ZNF277: variants seen among roughly 807,000 people sequenced by gnomAD.
ZNF277 encodes nuclear receptor-interacting factor 4.
A neutral mutation model predicts 60.7 loss-of-function variants in ZNF277; 55 were observed. That is an observed-to-expected ratio of 0.91 (90% CI 0.73 to 1.13). ZNF277 has a LOEUF of 1.13. Ranked by LOEUF, ZNF277 falls within the 50% of genes most tolerant of loss-of-function variation. The probability of loss-of-function intolerance (pLI) is 0.00; values close to 1 mark genes in which losing one functional copy is unlikely to be tolerated. For synonymous variants in ZNF277, 178 were observed against 179.3 expected, an observed-to-expected ratio of 0.99 and a Z score of 0.06; for missense variants, 510 against 523.0, an observed-to-expected ratio of 0.98 and a Z score of 0.24.
In ZNF277 at chr7:112,279,374, G is replaced by GT. The variant is rs553495666; in HGVS notation, c.92-7491dup. Among the ~76,000 whole-genome samples, 599 of 151,880 alleles carry GT rather than the reference G, an allele frequency of 3.9e-3. 6 individuals are homozygous for GT. Among genetic ancestry groups the GT allele is most frequent in the Non-Finnish European group, 4.3e-3 (294 of 67,946 alleles). On this transcript the variant is annotated intron_variant, in intron 1 of 11. Transcript: ENST00000361822. ...CTTGCCAACACATGTGATTTTCTGG[G>GT]TTTTTTTTAGTAATAGCCATCTTAG...
At chr7:112,320,917 C>CTTTTTTTTTTTTTTTTTT (rs1230552751) in intron 5 of ZNF277, among the ~76,000 whole-genome samples, 39 of 98,356 alleles carry the variant, frequency 4.0e-4, no homozygotes, top group Middle Eastern at 0.017. Flanking sequence ...TTGTTTCTTT[C>CTTTTTTTTTTTTTTTTTT]TTTTTTTTTT....
chr7:112,309,943 C>G (rs941316417), intron 4 of ZNF277, among the ~76,000 whole-genome samples: 1 of 152,002 alleles, frequency 6.6e-6, no homozygotes, highest in Non-Finnish European at 1.5e-5. Flanking sequence ...GGGAGATTCC[C>G]AAATACAAAG....
intron 7 of ZNF277, among the ~76,000 whole-genome samples, chr7:112,333,918 T>G (rs1793277450): frequency 6.6e-6 from 1 of 152,196 alleles, no homozygotes; most frequent in African/African-American, 2.4e-5. Context: ...AACAGACTGT[T>G]TAACATCGAG....
chr7:112,322,406 A>G (rs754622077), intron 5 of ZNF277, among the ~76,000 whole-genome samples: 24 of 151,844 alleles, frequency 1.6e-4, no homozygotes, highest in Non-Finnish European at 2.7e-4. Flanking sequence ...CCAATCTTCA[A>G]ATTCATTGAT....
intron 1 of ZNF277, among the ~76,000 whole-genome samples, chr7:112,265,608 C>T (rs1189405442): frequency 6.6e-6 from 1 of 152,118 alleles, no homozygotes; most frequent in Non-Finnish European, 1.5e-5. Flanking sequence ...TAGACTTGCT[C>T]TGTACAGGGT....
chr7:112,254,968 G>A (rs1047936283), intron 1 of ZNF277, among the ~76,000 whole-genome samples: 18 of 152,056 alleles, frequency 1.2e-4, no homozygotes, highest in African/African-American at 4.3e-4. Flanking sequence ...GCCAGATCCT[G>A]TCTCAAAGAA....
intron 2 of ZNF277, among the ~76,000 whole-genome samples, chr7:112,290,476 GA>G (rs1261094426): frequency 5.3e-5 from 8 of 152,234 alleles, no homozygotes; most frequent in African/African-American, 1.9e-4. Flanking sequence ...TCTAAATGCA[GA>G]TATACAATAA....
intron 4 of ZNF277, among the ~76,000 whole-genome samples, chr7:112,313,335 AGTG>A (rs1349368087): frequency 6.7e-6 from 1 of 148,602 alleles, no homozygotes; most frequent in East Asian, 2.0e-4. Flanking sequence ...GCTGGAGTGC[AGTG>A]GTGTGATCAC....
intron 2 of ZNF277, among the ~76,000 whole-genome samples, chr7:112,290,173 C>T (rs1201805137): frequency 6.6e-6 from 1 of 152,080 alleles, no homozygotes; most frequent in Non-Finnish European, 1.5e-5. Flanking sequence ...ACAAATTTTC[C>T]TTCAGGAATT....
intron 11 of ZNF277, chr7:112,341,251 T>A: frequency 2.5e-6 from 1 of 394,746 alleles, no homozygotes; most frequent in East Asian, 4.3e-5. Context: ...AACCAAGTAT[T>A]TTTCAGTATT....
In ZNF277 at chr7:112,318,221, A is replaced by G; in HGVS notation, c.505A>G (p.Thr169Ala). The G allele has an allele frequency of 1.2e-6, 2 of 1,613,024 alleles. No individual in the cohort carries two copies. Among genetic ancestry groups the G allele is most frequent in the Non-Finnish European group, 1.7e-6 (2 of 1,179,554 alleles). The change falls in exon 5 of 12, where the codon ACC becomes GCC. Residue 169 changes from threonine to alanine, a missense_variant. Physicochemically the swap from Thr to Ala is moderately conservative, Grantham distance 58. Transcript: ENST00000361822. ...LEQQQQERND[T>A]NFHGVCMFCN... ...ACAACAGCAGCAAGAACGAAATGATACCAATTTTCATGGCGTTTGTATGTT... is the reference window on the plus strand; with the variant it reads ...ACAACAGCAGCAAGAACGAAATGATGCCAATTTTCATGGCGTTTGTATGTT...
At chr7:112,207,224 A>C (rs1224995559) in intron 1 of ZNF277, among the ~76,000 whole-genome samples, 2 of 151,944 alleles carry the variant, frequency 1.3e-5, no homozygotes, top group Admixed American at 1.3e-4. Flanking sequence ...GCTTGGTTTG[A>C]CCTCGCAGGT....
intron 1 of ZNF277, among the ~76,000 whole-genome samples, chr7:112,221,580 G>T (rs1426908625): frequency 6.6e-6 from 1 of 152,094 alleles, no homozygotes; most frequent in Non-Finnish European, 1.5e-5. Flanking sequence ...AGAATCAGTG[G>T]GAGCCCTGAG....
intron 5 of ZNF277, 39 bp from the exon 6 acceptor site, chr7:112,327,678 G>A (rs767442274): frequency 3.8e-5 from 57 of 1,508,434 alleles, no homozygotes; most frequent in Non-Finnish European, 5.0e-5. Context: ...GTTCTTAGAT[G>A]ATTTGTGAAT....
intron 1 of ZNF277, among the ~76,000 whole-genome samples, chr7:112,231,735 G>A (rs935689858): frequency 2.6e-5 from 4 of 151,682 alleles, no homozygotes; most frequent in African/African-American, 4.8e-5. Flanking sequence ...TAAAACCAGA[G>A]AGGATACCAG....
Position 112,296,261 on chromosome 7 carries a change from G to T in ZNF277, c.415G>T (p.Val139Phe), listed in dbSNP as rs781175241. 1.9e-6 allele frequency: 3 copies of T among 1,588,820 alleles called. No homozygotes were observed. In the South Asian group the frequency reaches 3.5e-5, roughly 18 times the overall value. The stretch of plus-strand genomic sequence containing the variant: ...AGAGAATTATTTTTTGTTATGTGAC[G>T]TTTTACCAGAAGATAGAATTCTTAG... ...EQENYFLLCD[V>F]LPEDRILREE... The change falls in exon 4 of 12, where the codon GTT becomes TTT. Residue 139 changes from valine to phenylalanine, a missense_variant. Coordinates refer to ENST00000361822, the MANE Select transcript of ZNF277 (RefSeq NM_021994.3).
At chr7:112,279,961 G>T (rs1199834080) in intron 1 of ZNF277, among the ~76,000 whole-genome samples, 1 of 152,126 alleles carries the variant, frequency 6.6e-6, no homozygotes, top group African/African-American at 2.4e-5. Context: ...ATGCAGGAGA[G>T]ATGGGCACAC....
chr7:112,282,052 C>G (rs1791957909), intron 1 of ZNF277, among the ~76,000 whole-genome samples: 1 of 152,126 alleles, frequency 6.6e-6, no homozygotes, highest in Non-Finnish European at 1.5e-5. Context: ...AGGGTGGTCT[C>G]AAACTCCTGA....
intron 5 of ZNF277, among the ~76,000 whole-genome samples, chr7:112,321,901 C>T (rs759808981): frequency 6.6e-6 from 1 of 152,080 alleles, no homozygotes; most frequent in African/African-American, 2.4e-5. Flanking sequence ...TTGCATCTTT[C>T]AAGAGACTCT....
Sources: allele counts gnomAD v4.1 joint callset (sites outside exome capture counted in the v4.1 genomes callset), GRCh38; gene constraint gnomAD v4.1.1; transcripts MANE v1.5; gene names NCBI Gene and HGNC (gene_info 2026-07-23, HGNC 2026-07-21).